Variants in PLCL1 observed in about 807,000 individuals in gnomAD.
PLCL1 encodes the protein phospholipase C like 1 (inactive).
PLCL1 carries 41 observed loss-of-function variants against 84.4 expected under a neutral mutation model. The ratio of observed to expected loss-of-function variants is 0.49; its 90% CI spans 0.38 to 0.63. The LOEUF (loss-of-function observed/expected upper bound fraction) is 0.63, where lower values mean the gene tolerates loss of function less well. Among genes scored for constraint, PLCL1 ranks in the 30% least tolerant of loss-of-function variants. The pLI is 0.00. For missense variants in PLCL1, 1,206 were observed against 1,367.8 expected, an observed-to-expected ratio of 0.88 and a Z score of 1.87; for synonymous variants, 490 against 488.3, an observed-to-expected ratio of 1.00 and a Z score of -0.05.
At chr2:197,928,448 G>T (rs917235729) in intron 1 of PLCL1, among the ~76,000 whole-genome samples, 1 of 152,190 alleles carries the variant, frequency 6.6e-6, no homozygotes, top group African/African-American at 2.4e-5. Context: ...ACTAGCCAAT[G>T]CTGGGACTAT....
At chr2:197,953,358 GT>G (rs1421130876) in intron 1 of PLCL1, among the ~76,000 whole-genome samples, 1 of 152,026 alleles carries the variant, frequency 6.6e-6, no homozygotes, top group Non-Finnish European at 1.5e-5. Context: ...GGTGTGGGCA[GT>G]GGGTGCTGTG....
At chr2:198,012,604 G>T (rs1254151670) in intron 1 of PLCL1, among the ~76,000 whole-genome samples, 1 of 151,280 alleles carries the variant, frequency 6.6e-6, no homozygotes, top group Non-Finnish European at 1.5e-5. Context: ...CTATTTTATT[G>T]TTTTCTTATT....
chr2:197,993,150 G>A (rs1413325101), intron 1 of PLCL1, among the ~76,000 whole-genome samples: 2 of 152,114 alleles, frequency 1.3e-5, no homozygotes, highest in Non-Finnish European at 2.9e-5. Flanking sequence ...GCATACCCTA[G>A]CCAACACTTG....
intron 1 of PLCL1, among the ~76,000 whole-genome samples, chr2:198,024,693 G>T (rs1208485509): frequency 1.3e-5 from 2 of 151,692 alleles, no homozygotes; most frequent in Non-Finnish European, 1.5e-5. Context: ...AACCCAGGAG[G>T]CAGAGGTTGC....
chr2:197,848,921 C>T (rs546968905), intron 1 of PLCL1, among the ~76,000 whole-genome samples: 4 of 152,166 alleles, frequency 2.6e-5, no homozygotes, highest in African/African-American at 9.6e-5. Flanking sequence ...AGGGAATGGA[C>T]CCTGCAGTCA....
At chr2:198,097,310 G>A (rs934531331) in intron 3 of PLCL1, among the ~76,000 whole-genome samples, 2 of 152,104 alleles carry the variant, frequency 1.3e-5, no homozygotes, top group Non-Finnish European at 2.9e-5. Context: ...TTTCTACTTG[G>A]TACCAGGATC....
chr2:197,831,684 C>T (rs1414756373), intron 1 of PLCL1, among the ~76,000 whole-genome samples: 3 of 152,182 alleles, frequency 2.0e-5, no homozygotes, highest in South Asian at 2.1e-4. Flanking sequence ...TAGACATCTA[C>T]AGAACTCTCC....
chr2:197,983,308 C>T (rs1188177836), intron 1 of PLCL1, among the ~76,000 whole-genome samples: 2 of 142,192 alleles, frequency 1.4e-5, no homozygotes, highest in Non-Finnish European at 3.0e-5. Context: ...CAACTCACTG[C>T]AGCCTCAACC....
At chr2:197,823,853 C>G (rs1402920990) in intron 1 of PLCL1, among the ~76,000 whole-genome samples, 1 of 152,166 alleles carries the variant, frequency 6.6e-6, no homozygotes, top group East Asian at 1.9e-4. Context: ...AACCACTCCT[C>G]AGTATGTATA....
intron 1 of PLCL1, among the ~76,000 whole-genome samples, chr2:197,941,930 C>T (rs1689167439): frequency 6.6e-6 from 1 of 152,082 alleles, no homozygotes; most frequent in South Asian, 2.1e-4. Flanking sequence ...CAGGTTCATC[C>T]TCGACCTACT....
chr2:198,042,041 T>C (rs1355206858), intron 1 of PLCL1, among the ~76,000 whole-genome samples: 1 of 152,156 alleles, frequency 6.6e-6, no homozygotes, highest in Non-Finnish European at 1.5e-5. Flanking sequence ...GCCTTTCCAG[T>C]CTCCTTTGGA....
At chr2:197,978,909 C>T (rs1241105341) in intron 1 of PLCL1, among the ~76,000 whole-genome samples, 1 of 152,232 alleles carries the variant, frequency 6.6e-6, no homozygotes, top group East Asian at 1.9e-4. Flanking sequence ...TGGGGAGAAC[C>T]TGCAACTCCA....
chr2:197,890,832 CATATATATATGCACGCA>C, intron 1 of PLCL1, among the ~76,000 whole-genome samples: 2 of 23,878 alleles, frequency 8.4e-5, no homozygotes, highest in Non-Finnish European at 1.6e-4. Context: ...TACATATATG[CATATATATATGCACGCA>C]TATATATGTG....
intron 1 of PLCL1, among the ~76,000 whole-genome samples, chr2:197,834,632 T>C (rs1358791333): frequency 6.6e-6 from 1 of 152,164 alleles, no homozygotes; most frequent in Non-Finnish European, 1.5e-5. Context: ...TGGCGATCAT[T>C]AAAAAGTCAG....
intron 1 of PLCL1, among the ~76,000 whole-genome samples, chr2:197,893,206 T>G (rs981146154): frequency 6.6e-6 from 1 of 152,208 alleles, no homozygotes; most frequent in Admixed American, 6.5e-5. Context: ...TTAGAGTACC[T>G]CTTTTGTCTG....
intron 3 of PLCL1, among the ~76,000 whole-genome samples, chr2:198,094,157 G>C (rs1176355711): frequency 6.6e-6 from 1 of 152,086 alleles, no homozygotes; most frequent in Non-Finnish European, 1.5e-5. Flanking sequence ...CGCCTCCTGG[G>C]TTCATGCCAT....
intron 5 of PLCL1, among the ~76,000 whole-genome samples, chr2:198,145,257 T>C (rs1042674817): frequency 2.6e-5 from 4 of 152,200 alleles, no homozygotes; most frequent in Admixed American, 2.0e-4. Flanking sequence ...ATGTCTATAG[T>C]GTTAAGAACA....
At chr2:197,848,913 G>A (rs1190357126) in intron 1 of PLCL1, among the ~76,000 whole-genome samples, 1 of 152,070 alleles carries the variant, frequency 6.6e-6, no homozygotes, top group African/African-American at 2.4e-5. Context: ...TTAACTAGAG[G>A]GAATGGACCC....
At chr2:197,904,209 ACAGT>A (rs761365624) in intron 1 of PLCL1, among the ~76,000 whole-genome samples, 6 of 152,320 alleles carry the variant, frequency 3.9e-5, no homozygotes, top group South Asian at 2.1e-4. Flanking sequence ...TGAACATCAG[ACAGT>A]CAGTTTAGGA....
Sources: gnomAD v4.1 joint callset for allele counts (sites outside exome capture counted in the v4.1 genomes callset) on GRCh38, gnomAD v4.1.1 for gene constraint, MANE v1.5 for transcripts, NCBI Gene and HGNC (gene_info 2026-07-23, HGNC 2026-07-21) for gene names.